Variants in FAM184B observed in about 807,000 individuals in gnomAD.
The protein encoded by FAM184B is family with sequence similarity 184 member B, also known as protein FAM184B.
Under a neutral mutation model 135.9 loss-of-function variants are expected in FAM184B, and 111 were observed. That is an observed-to-expected ratio of 0.82 (90% CI 0.70 to 0.96). The LOEUF (loss-of-function observed/expected upper bound fraction) is 0.96, where lower values mean the gene tolerates loss of function less well. Ranked by LOEUF, FAM184B falls within the 40% of genes least tolerant of loss-of-function variation. The pLI, the probability that FAM184B is intolerant of heterozygous loss-of-function variation, is 0.00. For missense variants in FAM184B, 1,375 were observed against 1,323.9 expected, an observed-to-expected ratio of 1.04 and a Z score of -0.60; for synonymous variants, 552 against 524.8, an observed-to-expected ratio of 1.05 and a Z score of -0.71.
chr4:17,707,789 AC>A lies in FAM184B; in HGVS notation c.895-6del. ...CTTAAGCTGCACATCCAGGTCCTAA[AC>A]AGACAGGAAGGGTCCCATTTCTCTG... On this transcript the variant is annotated splice_region_variant and splice_polypyrimidine_tract_variant and intron_variant, in intron 2 of 17. Transcript: ENST00000265018. 1 of 1,551,904 alleles carries A rather than the reference AC, an allele frequency of 6.4e-7. No homozygotes were observed. Among genetic ancestry groups the A allele is most frequent in the Non-Finnish European group, 8.7e-7 (1 of 1,147,016 alleles).
intron 1 of FAM184B, among the ~76,000 whole-genome samples, chr4:17,744,493 CA>C (rs1451805099): frequency 0.037 from 2,084 of 56,904 alleles, 23 homozygotes; most frequent in African/African-American, 0.08. Flanking sequence ...ACACACACCA[CA>C]CACACACACA....
chr4:17,637,672 CTG>C (rs528075024), intron 14 of FAM184B, among the ~76,000 whole-genome samples: 129 of 151,844 alleles, frequency 8.5e-4, no homozygotes, highest in Admixed American at 1.4e-3. Context: ...GTATTGGAGA[CTG>C]GAGAAGTTTT....
intron 7 of FAM184B, among the ~76,000 whole-genome samples, chr4:17,677,227 T>G (rs2108950677): frequency 6.6e-6 from 1 of 152,236 alleles, no homozygotes; most frequent in Admixed American, 6.5e-5. Context: ...TTTGTATTTT[T>G]TGTAGAGATG....
At chr4:17,668,347 G>C (rs1716099204) in intron 7 of FAM184B, among the ~76,000 whole-genome samples, 1 of 152,130 alleles carries the variant, frequency 6.6e-6, no homozygotes, top group South Asian at 2.1e-4. Flanking sequence ...TTAGTAGCTT[G>C]TTTCTGTGAT....
chr4:17,759,988 G>A (rs1321473267), intron 1 of FAM184B, among the ~76,000 whole-genome samples: 1 of 152,176 alleles, frequency 6.6e-6, no homozygotes, highest in African/African-American at 2.4e-5. Flanking sequence ...AGCCGCTGAT[G>A]TGATTCATGC....
At chr4:17,779,706 C>T (rs959502782) in intron 1 of FAM184B, among the ~76,000 whole-genome samples, 6 of 152,202 alleles carry the variant, frequency 3.9e-5, no homozygotes, top group African/African-American at 1.4e-4. Flanking sequence ...CATAAAATCT[C>T]CCCTCACTGT....
chr4:17,712,750 A>G (rs896458184), intron 1 of FAM184B, among the ~76,000 whole-genome samples: 2 of 152,080 alleles, frequency 1.3e-5, no homozygotes, highest in African/African-American at 2.4e-5. Context: ...AGAAAACAAA[A>G]AAAAAGCTTT....
intron 5 of FAM184B, among the ~76,000 whole-genome samples, chr4:17,695,155 C>CTGGGGGTT (rs141899736): frequency 5.4e-4 from 73 of 135,180 alleles, no homozygotes; most frequent in African/African-American, 8.2e-4. Context: ...TACTGTTTTT[C>CTGGGGGTT]TTTGTTGTTT....
intron 1 of FAM184B, among the ~76,000 whole-genome samples, chr4:17,744,433 G>C (rs559136980): frequency 2.0e-5 from 3 of 150,908 alleles, no homozygotes; most frequent in African/African-American, 2.4e-5. Context: ...GATTCAATGT[G>C]CCATGAGTCA....
chr4:17,705,763 T>C lies in FAM184B; in HGVS notation c.1159A>G (p.Thr387Ala). ...LKECPCMKGGTDMQTKKEASA... is the reference protein window; with the variant it reads ...LKECPCMKGGADMQTKKEASA... ...GGGTCAGACACTACCTGCATATCTG[T>C]GCCTCCTTTCATGCAAGGGCACTCC... The change falls in exon 4 of 18, where the codon ACA becomes GCA. Residue 387 changes from threonine (T) to alanine (A), a missense_variant. Thr to Ala is a moderately conservative substitution (Grantham distance 58, BLOSUM62 0). Transcript: ENST00000265018. The C allele has an allele frequency of 1.3e-6, 2 of 1,551,816 alleles. No homozygotes were observed. The highest frequency in any genetic ancestry group is 2.4e-5 in the South Asian group (2 of 84,064).
At chr4:17,700,262 G>C (rs142297243) in intron 5 of FAM184B, among the ~76,000 whole-genome samples, 1 of 152,110 alleles carries the variant, frequency 6.6e-6, no homozygotes, top group Admixed American at 6.6e-5. Flanking sequence ...TATAAAAAAG[G>C]ATCCAAGTAT....
intron 1 of FAM184B, among the ~76,000 whole-genome samples, chr4:17,717,609 A>T (rs1717425272): frequency 6.6e-6 from 1 of 152,134 alleles, no homozygotes; most frequent in South Asian, 2.1e-4. Flanking sequence ...ACGACTTCCT[A>T]AGAGTTTTAG....
At position 17,660,056 on chromosome 4, in the gene FAM184B, G is replaced by T; in HGVS notation, c.1726C>A (p.Pro576Thr). ...AACAAAGAGCCCAGTGGAGGTTGTG[G>T]GTCACTTCCCTCCTTGAGAAGCACT... is the stretch of plus-strand genomic sequence containing the variant. ...TKVLLKEGSD[P>T]QPPLGSLLKE... Residue 576 changes from proline (P) to threonine (T), a missense_variant, in exon 9 of 18, where the codon CCA (proline) becomes ACA (threonine). Coordinates refer to ENST00000265018, the MANE Select transcript of FAM184B (RefSeq NM_015688.2). 1.9e-6 allele frequency: 3 copies of T among 1,551,494 alleles called. No homozygotes were observed. Among genetic ancestry groups the T allele is most frequent in the Non-Finnish European group, 2.6e-6 (3 of 1,146,970 alleles).
chr4:17,645,463 A>G (rs921259155), intron 12 of FAM184B, among the ~76,000 whole-genome samples: 3 of 152,208 alleles, frequency 2.0e-5, no homozygotes, highest in African/African-American at 4.8e-5. Flanking sequence ...CCTGACAAAA[A>G]CAAGAAATGG....
intron 7 of FAM184B, among the ~76,000 whole-genome samples, chr4:17,675,734 G>T (rs907807738): frequency 6.6e-6 from 1 of 152,124 alleles, no homozygotes; most frequent in African/African-American, 2.4e-5. Context: ...CTCCATCAGC[G>T]CTTGCTGCTT....
chr4:17,636,291 A>G (rs1456570122), intron 15 of FAM184B, among the ~76,000 whole-genome samples: 1 of 152,150 alleles, frequency 6.6e-6, no homozygotes, highest in Non-Finnish European at 1.5e-5. Flanking sequence ...TTTTTAGTAG[A>G]GACAGGGTTT....
At chr4:17,768,611 A>T (rs1718747995) in intron 1 of FAM184B, among the ~76,000 whole-genome samples, 1 of 151,774 alleles carries the variant, frequency 6.6e-6, no homozygotes, top group African/African-American at 2.4e-5. Flanking sequence ...AATATTGTGT[A>T]TGTGTTAGTT....
rs369628973 is a variant in FAM184B, at chr4:17,658,385, G to A, written c.2002C>T (p.Arg668Cys). Reference protein sequence around the residue: ...QLEASHQRALRMLEKARHQEL... With the variant: ...QLEASHQRALCMLEKARHQEL... ...TGATGTCTGGCCTTCTCCAGCATGC[G>A]CAGGGCTCTCTGGTGGGAAGCCTCG... is the stretch of plus-strand genomic sequence containing the variant. Residue 668 changes from arginine (R) to cysteine (C), a missense_variant, in exon 10 of 18, where the codon CGC becomes TGC. Coordinates refer to ENST00000265018, the MANE Select transcript of FAM184B (RefSeq NM_015688.2). 12 of 1,551,518 alleles carry A rather than the reference G, an allele frequency of 7.7e-6. No individual in the cohort carries two copies. Among genetic ancestry groups the A allele is most frequent in the Middle Eastern group, 1.7e-4 (1 of 6,014 alleles).
Position 17,781,480 on chromosome 4 carries a change from G to A in FAM184B, c.-181C>T, listed in dbSNP as rs560778447. The stretch of plus-strand genomic sequence containing the variant: ...AGGTCTCCGCCTCCCGGGCCCACCC[G>A]CGCGCCCACCCTTTTTCCTCTCCTG... On this transcript the variant is annotated 5_prime_UTR_variant, in exon 1 of 18. Transcript: ENST00000265018. The surrounding 1 kb of genome is among the most constrained non-coding windows in gnomAD (Gnocchi z 6.5). The A allele has an allele frequency of 5.4e-4, 378 of 703,892 alleles. 1 individual carries two copies. Among genetic ancestry groups the A allele is most frequent in the Middle Eastern group, 8.4e-4 (2 of 2,386 alleles). 43.6% of individuals were successfully genotyped at this position (703,892 alleles called of 1,614,324 possible).
Sources: gnomAD v4.1 joint callset for allele counts (sites outside exome capture counted in the v4.1 genomes callset) on GRCh38, gnomAD v4.1.1 for gene constraint, Gnocchi (gnomAD v3.1) non-coding constraint, MANE v1.5 for transcripts, NCBI Gene and HGNC (gene_info 2026-07-23, HGNC 2026-07-21) for gene names.